Variants in PCLO observed in about 807,000 individuals in gnomAD.
PCLO encodes protein piccolo.
PCLO carries 82 observed loss-of-function variants against 427.5 expected under a neutral mutation model. That is an observed-to-expected ratio of 0.19 (90% CI 0.16 to 0.23). The LOEUF (loss-of-function observed/expected upper bound fraction) is 0.23. Among genes scored for constraint, PCLO ranks in the 10% least tolerant of loss-of-function variants. The pLI is 1.00. For missense variants in PCLO, 6,239 were observed against 6,115.9 expected (o/e 1.02, Z -0.67); for synonymous variants, 2,357 against 2,155.4 (o/e 1.09, Z -2.59).
chr7:82,971,583 AAT>A (rs1562891993), intron 3 of PCLO, among the ~76,000 whole-genome samples: 3 of 147,620 alleles, frequency 2.0e-5, no homozygotes. Context: ...TATAATATAT[AAT>A]ATATAATATA....
At position 83,162,737 on chromosome 7, in the gene PCLO, C is replaced by G. The variant is rs1792481004; in HGVS notation, c.-145G>C. The G allele has an allele frequency of 9.7e-6, 10 of 1,035,922 alleles. No individual in the cohort carries two copies. Among genetic ancestry groups the G allele is most frequent in the Non-Finnish European group, 9.5e-6 (7 of 738,592 alleles). 64.2% of individuals were successfully genotyped at this position (1,035,922 alleles called of 1,614,324 possible). A position where few individuals can be genotyped will look rare whatever the true frequency, so the allele number is the denominator to read the frequency against. On this transcript the variant is annotated 5_prime_UTR_variant, in exon 1 of 25. Transcript: ENST00000333891. ...CCCTGGACTCTGGACCAGGCACTGC[C>G]GCCCGGAACGCCAGGCAGGGGTTAG...
chr7:82,895,874 C>T (rs1793891769), intron 9 of PCLO, among the ~76,000 whole-genome samples: 1 of 151,706 alleles, frequency 6.6e-6, no homozygotes, highest in African/African-American at 2.4e-5. Context: ...TGGATTCTAC[C>T]AAATATTCAA....
At chr7:82,816,174 G>A (rs747084178) in intron 20 of PCLO, among the ~76,000 whole-genome samples, 6 of 152,106 alleles carry the variant, frequency 3.9e-5, no homozygotes, top group Admixed American at 2.0e-4. Context: ...TGAAGAATGG[G>A]TGAAATATTA....
intron 3 of PCLO, among the ~76,000 whole-genome samples, chr7:83,084,476 C>T (rs1790180704): frequency 6.6e-6 from 1 of 151,882 alleles, no homozygotes; most frequent in Non-Finnish European, 1.5e-5. Flanking sequence ...CTCATTCTGC[C>T]TATATAATGG....
chr7:82,848,306 T>TG (rs1485701238), intron 10 of PCLO, among the ~76,000 whole-genome samples: 1 of 105,768 alleles, frequency 9.5e-6, no homozygotes, highest in Non-Finnish European at 1.9e-5. Flanking sequence ...ATTAGTTAGT[T>TG]TTTTTTTTTT....
At chr7:83,145,136 C>T (rs2116650486) in intron 2 of PCLO, among the ~76,000 whole-genome samples, 1 of 152,244 alleles carries the variant, frequency 6.6e-6, no homozygotes, top group East Asian at 1.9e-4. Context: ...TTTTTAGACT[C>T]TGGATTCTAT....
At chr7:83,103,648 T>C (rs1022044139) in intron 3 of PCLO, among the ~76,000 whole-genome samples, 12 of 152,028 alleles carry the variant, frequency 7.9e-5, no homozygotes, top group Admixed American at 3.9e-4. Flanking sequence ...TTCATTTCAA[T>C]ATTGTGTTCT....
In PCLO at chr7:82,915,806, C is replaced by T. The variant is rs188588679; in HGVS notation, c.12180G>A (p.Ala4060=). ...DDIGEITKGT[A]ALSTAFSLHE... is the part of the protein sequence containing the mutation. ...GAAGGCTAAATGCGGTGCTTAATGC[C>T]GCTGTTCCTTTGGTGATCTCTCCAA... The change falls in exon 7 of 25, where the codon GCG becomes GCA. Residue 4060 remains alanine, a synonymous_variant. Coordinates refer to ENST00000333891, the MANE Select transcript of PCLO (RefSeq NM_033026.6). 2.9e-4 allele frequency: 471 copies of T among 1,612,846 alleles called. 4 individuals are homozygous for T. The African/African-American group carries it at 5.5e-3, about 19-fold the overall frequency.
At position 82,950,294 on chromosome 7, in the gene PCLO, C is replaced by T. The variant is rs202185916; in HGVS notation, c.10294G>A (p.Asp3432Asn). 895 of 1,613,544 alleles carry T rather than the reference C, an allele frequency of 5.5e-4. 1 individual carries two copies. Among genetic ancestry groups the T allele is most frequent in the Non-Finnish European group, 7.0e-4 (829 of 1,179,814 alleles). ...ATCTTTTTAAAACTTCGGGGATCAT[C>T]TGTCATATTTTCTCCCATGTCATCA... ...QYDDMGENMTDDPRSFKKIVD... is the reference protein window; with the variant it reads ...QYDDMGENMTNDPRSFKKIVD... Residue 3432 changes from aspartate to asparagine, a missense_variant, in exon 6 of 25, where the codon GAT (aspartate) becomes AAT (asparagine). This residue lies in a region of PCLO where 4,677 missense variants were observed against 4,468.4 expected (regional missense o/e 1.05). Transcript: ENST00000333891.
intron 22 of PCLO, 134 bp from the exon 23 acceptor site, chr7:82,761,627 T>C (rs1790434901): frequency 4.9e-6 from 3 of 607,504 alleles, no homozygotes; most frequent in Non-Finnish European, 5.7e-6. Flanking sequence ...GTGCTAAATA[T>C]CTTATGACTG....
chr7:83,095,663 T>G (rs1163549167), intron 3 of PCLO, among the ~76,000 whole-genome samples: 1 of 152,034 alleles, frequency 6.6e-6, no homozygotes, highest in Non-Finnish European at 1.5e-5. Context: ...AAAATTTCCC[T>G]TGGGCCTTTT....
In PCLO at chr7:82,952,466, T is replaced by A. The variant is rs1030344056; in HGVS notation, c.8487A>T (p.Ser2829=). Residue 2829 remains serine (S), a synonymous_variant, in exon 5 of 25, where the codon TCA becomes TCT. Coordinates refer to ENST00000333891, the MANE Select transcript of PCLO (RefSeq NM_033026.6). ...AMTTPLQLTT[S]KHAEPPYRIP... is the part of the protein sequence containing the mutation. ...TCCTGTATGGGGGCTCAGCATGCTT[T>A]GATGTTGTAAGTTGGAGTGGTGTTG... The A allele has an allele frequency of 2.5e-6, 4 of 1,613,798 alleles. No individual in the cohort carries two copies. Among genetic ancestry groups the A allele is most frequent in the Non-Finnish European group, 3.4e-6 (4 of 1,179,850 alleles).
intron 3 of PCLO, among the ~76,000 whole-genome samples, chr7:83,000,148 GC>G (rs1175700397): frequency 6.6e-6 from 1 of 150,940 alleles, no homozygotes; most frequent in Non-Finnish European, 1.5e-5. Flanking sequence ...CCTGAAAAAA[GC>G]CAGTGTGGTG....
intron 22 of PCLO, among the ~76,000 whole-genome samples, chr7:82,763,336 A>G (rs1053604719): frequency 3.3e-5 from 5 of 152,106 alleles, no homozygotes; most frequent in African/African-American, 4.8e-5. Context: ...TGAAAAAGGT[A>G]AGTAATTTCA....
Position 82,950,083 on chromosome 7 carries a change from G to T in PCLO, c.10505C>A (p.Thr3502Lys). ...AAGGGGTTTGGTCTTGTCAGCCTCT[G>T]TCATGCTGTCACCATATTTCCCTAC... ...ARVGKYGDSM[T>K]EADKTKPLSK... The change falls in exon 6 of 25, where the codon ACA becomes AAA. Residue 3502 changes from threonine to lysine, a missense_variant. Coordinates refer to ENST00000333891, the MANE Select transcript of PCLO (RefSeq NM_033026.6). 1 of 1,602,672 alleles carries T rather than the reference G, an allele frequency of 6.2e-7. No homozygotes were observed. Among genetic ancestry groups the T allele is most frequent in the Non-Finnish European group, 8.5e-7 (1 of 1,175,944 alleles).
chr7:82,969,200 T>C (rs1013704724), intron 3 of PCLO, among the ~76,000 whole-genome samples: 4 of 152,186 alleles, frequency 2.6e-5, no homozygotes, highest in Non-Finnish European at 5.9e-5. Flanking sequence ...TATTTTCCTA[T>C]AATTTGAAAT....
rs1309480779 is a variant in PCLO, at chr7:83,038,071, A to ATATATC, written c.3301-71585_3301-71584insGATATA. On this transcript the variant is annotated intron_variant, in intron 3 of 24. Coordinates refer to ENST00000333891, the MANE Select transcript of PCLO (RefSeq NM_033026.6). ...TATATCTTTATATATATATTTATAT[A>ATATATC]TTTATATATATATCTTTATATATAT... 1.9e-3 allele frequency among the ~76,000 whole-genome samples: 86 copies of ATATATC among 45,924 alleles called. 7 individuals carry two copies. In the South Asian group the frequency reaches 0.019, roughly 10 times the overall value. 30.1% of individuals were successfully genotyped at this position (45,924 alleles called of 152,430 possible).
At chr7:82,960,814 TATAA>T (rs1390600218) in intron 4 of PCLO, among the ~76,000 whole-genome samples, 17 of 152,256 alleles carry the variant, frequency 1.1e-4, no homozygotes, top group Non-Finnish European at 1.3e-4. Context: ...AATACACATA[TATAA>T]ATAGAGTAAA....
intron 20 of PCLO, chr7:82,821,011 G>C: frequency 8.2e-7 from 1 of 1,217,164 alleles, no homozygotes; most frequent in Middle Eastern, 3.2e-4. Flanking sequence ...TTAAAAAGTG[G>C]ATAAACATAT....
Sources: allele counts gnomAD v4.1 joint callset (sites outside exome capture counted in the v4.1 genomes callset), GRCh38; gene constraint gnomAD v4.1.1; regional missense constraint gnomAD v4.1.1; transcripts MANE v1.5; gene names NCBI Gene and HGNC (gene_info 2026-07-23, HGNC 2026-07-21).